The following ADPRHL1 variants were observed in gnomAD, a reference collection of about 807,000 sequenced individuals.
The protein encoded by ADPRHL1 is inactive ADP-ribosyltransferase ARH2.
A neutral mutation model predicts 44.1 loss-of-function variants in ADPRHL1; 43 were observed. The ratio of observed to expected loss-of-function variants is 0.98; its 90% CI spans 0.76 to 1.26. The LOEUF (loss-of-function observed/expected upper bound fraction) is 1.26, where lower values mean the gene tolerates loss of function less well. ADPRHL1 is among the 50% of genes most tolerant of loss of function. ADPRHL1 has a pLI of 0.00. For synonymous variants in ADPRHL1, 878 were observed against 1,017.4 expected, an observed-to-expected ratio of 0.86 and a Z score of 2.61; for missense variants, 2,022 against 2,496.9, an observed-to-expected ratio of 0.81 and a Z score of 4.05.
At chr13:113,418,584 A>T (rs1338102449) in intron 7 of ADPRHL1, among the ~76,000 whole-genome samples, 3 of 152,226 alleles carry the variant, frequency 2.0e-5, no homozygotes, top group Non-Finnish European at 4.4e-5. Flanking sequence ...TGTGTTACTG[A>T]CATGCTCATA....
At chr13:113,436,257 A>G (rs1453393478) in intron 2 of ADPRHL1, among the ~76,000 whole-genome samples, 41 of 150,690 alleles carry the variant, frequency 2.7e-4, no homozygotes, top group African/African-American at 9.3e-4. Context: ...GAGTGAACAT[A>G]GGTGTACCCC....
chr13:113,422,554 G>A, intron 7 of ADPRHL1: 1 of 478,674 alleles, frequency 2.1e-6, no homozygotes, highest in Non-Finnish European at 3.8e-6. Context: ...GAGACTGCGG[G>A]TGAGTGCCAC....
Position 113,444,087 on chromosome 13 carries a change from G to A in ADPRHL1, c.379+338C>T, listed in dbSNP as rs538363327. Among the ~76,000 whole-genome samples the A allele has an allele frequency of 3.2e-4, 48 of 152,246 alleles. 1 individual carries two copies. In the South Asian group the frequency reaches 7.7e-3, roughly 24 times the overall value. Reference sequence around the variant, plus strand: ...GCCTGTGTTCCTTGAACAGACGCTCGTGCTGGCTGGGCTGACCAGGAGGGG... The same window carrying A: ...GCCTGTGTTCCTTGAACAGACGCTCATGCTGGCTGGGCTGACCAGGAGGGG... On this transcript the variant is annotated intron_variant, in intron 2 of 7. Coordinates refer to ENST00000612156, the MANE Select transcript of ADPRHL1 (RefSeq NM_001394807.1).
At chr13:113,427,252 A>G (rs550638078) in intron 4 of ADPRHL1, among the ~76,000 whole-genome samples, 1 of 152,242 alleles carries the variant, frequency 6.6e-6, no homozygotes, top group Non-Finnish European at 1.5e-5. Context: ...AAGTTCTGGG[A>G]GAACATTCGT....
Position 113,404,187 on chromosome 13 carries a change from G to A in ADPRHL1, c.5095C>T (p.Arg1699Trp), listed in dbSNP as rs2043788099. 1.2e-6 allele frequency: 1 copy of A among 853,102 alleles called. No individual in the cohort carries two copies. The highest frequency in any genetic ancestry group is 5.7e-5 in the Admixed American group (1 of 17,480). The allele number at this position is 853,102 out of a possible 1,614,324, so 52.8% of individuals were successfully genotyped here. A position where few individuals can be genotyped will look rare whatever the true frequency, so the allele number is the denominator to read the frequency against. The change falls in exon 8 of 8, where the codon CGG becomes TGG. Residue 1699 changes from arginine (R) to tryptophan (W), a missense_variant. Arg to Trp is a moderately radical substitution (Grantham distance 101). Coordinates refer to ENST00000612156, the MANE Select transcript of ADPRHL1 (RefSeq NM_001394807.1). ...REQAQKGAQERAREQAQKGAQ... is the reference protein window; with the variant it reads ...REQAQKGAQEWAREQAQKGAQ... ...CCTTTCTGGGCCTGTTCCCGAGCCC[G>A]TTCCTGAGCCCCTTTCTGGGCCTGT...
Position 113,453,207 on chromosome 13 carries a change from C to T in ADPRHL1, c.214+17G>A, listed in dbSNP as rs201411931. The T allele has an allele frequency of 5.9e-5, 95 of 1,613,580 alleles. No individual in the cohort carries two copies. Among genetic ancestry groups the T allele is most frequent in the African/African-American group, 4.0e-4 (30 of 75,038 alleles). On this transcript the variant is annotated intron_variant, in intron 1 of 7. Transcript: ENST00000612156. This position sits in a 1 kb window ranked among gnomAD's most constrained non-coding sequence, Gnocchi z 5.4. ...TCCCTCCAGCCCGCACACCGGAGCG[C>T]GGTGGGCCCAGCCTACCTGTGGTGA...
intron 3 of ADPRHL1, among the ~76,000 whole-genome samples, chr13:113,429,458 G>T (rs551878280): frequency 6.6e-6 from 1 of 152,204 alleles, no homozygotes; most frequent in Non-Finnish European, 1.5e-5. Context: ...CACTCAGGAC[G>T]CATCCCCAGG....
chr13:113,418,683 T>G (rs898652412), intron 7 of ADPRHL1, among the ~76,000 whole-genome samples: 4 of 152,076 alleles, frequency 2.6e-5, no homozygotes, highest in African/African-American at 9.7e-5. Flanking sequence ...CGATTGGAAC[T>G]CTCCATCCCA....
chr13:113,431,510 G>A (rs968307378), intron 3 of ADPRHL1, among the ~76,000 whole-genome samples: 6 of 152,226 alleles, frequency 3.9e-5, no homozygotes, highest in East Asian at 1.9e-4. Flanking sequence ...CTGCCCCCGC[G>A]CAGGGTGGCT....
rs1042558121 is a variant in ADPRHL1, at chr13:113,405,456, C to T, written c.3826G>A (p.Val1276Met). ...GGGCCATAGCTGGGGGACTCTGCCA[C>T]GCTCCTTGCCTGTGGCCTAGGATGA... is the stretch of plus-strand genomic sequence containing the variant. ...SDHPRPQARS[V>M]AESPSYGPGL... Residue 1276 changes from valine to methionine, a missense_variant, in exon 8 of 8, where the codon GTG (valine) becomes ATG (methionine). This residue lies in a region of ADPRHL1 where 1,221 missense variants were observed against 1,517.8 expected (regional missense o/e 0.80). Transcript: ENST00000612156. 1.3e-4 allele frequency: 161 copies of T among 1,231,804 alleles called. 1 individual carries two copies. The highest frequency in any genetic ancestry group is 1.6e-4 in the Non-Finnish European group (154 of 988,104). 76.3% of individuals were successfully genotyped at this position (1,231,804 alleles called of 1,614,324 possible).
chr13:113,436,913 C>G (rs1309686736), intron 2 of ADPRHL1, among the ~76,000 whole-genome samples: 3 of 131,882 alleles, frequency 2.3e-5, no homozygotes, highest in East Asian at 2.3e-4. Context: ...CCAGCACCCA[C>G]ACGTAGAGTG....
rs2043808044 is a variant in ADPRHL1, at chr13:113,406,292, A to G, written c.2990T>C (p.Met997Thr). ...HPLPESNEISMQKKGSATNDP... is the reference protein window; with the variant it reads ...HPLPESNEISTQKKGSATNDP... ...ATTTGTTGCGGAGCCCTTCTTCTGC[A>G]TTGATATTTCATTAGATTCCGGCAA... Residue 997 changes from methionine (M) to threonine (T), a missense_variant, in exon 8 of 8, where the codon ATG becomes ACG. Met to Thr is a moderately conservative substitution (Grantham distance 81). This residue lies in a region of ADPRHL1 where 1,221 missense variants were observed against 1,517.8 expected (regional missense o/e 0.80). Coordinates refer to ENST00000612156, the MANE Select transcript of ADPRHL1 (RefSeq NM_001394807.1). The G allele has an allele frequency of 2.4e-6, 3 of 1,232,060 alleles. No individual in the cohort carries two copies. Among genetic ancestry groups the G allele is most frequent in the Non-Finnish European group, 2.0e-6 (2 of 987,970 alleles). The allele number at this position is 1,232,060 out of a possible 1,614,324, so 76.3% of individuals were successfully genotyped here.
At position 113,399,656 on chromosome 13, in the gene ADPRHL1, AATG is replaced by A. The variant is rs1477683278; in HGVS notation, c.*3719_*3721del. On this transcript the variant is annotated 3_prime_UTR_variant, in exon 8 of 8. Transcript: ENST00000612156. ...TTCTTTTTGAAATTATTTCCAGCTG[AATG>A]ATGTTAGTAAAAATACAGAGAGAAT... 1 of 152,090 alleles carries A rather than the reference AATG, an allele frequency of 6.6e-6. No individual in the cohort carries two copies. Among genetic ancestry groups the A allele is most frequent in the African/African-American group, 2.4e-5 (1 of 41,428 alleles). The allele number at this position is 152,090 out of a possible 1,614,324, so 9.4% of individuals were successfully genotyped here. A position where few individuals can be genotyped will look rare whatever the true frequency, so the allele number is the denominator to read the frequency against.
At position 113,404,711 on chromosome 13, in the gene ADPRHL1, GC is replaced by G; in HGVS notation, c.4570del (p.Ala1524LeufsTer39). 1 of 1,281,236 alleles carries G rather than the reference GC, an allele frequency of 7.8e-7. No homozygotes were observed. The highest frequency in any genetic ancestry group is 9.8e-7 in the Non-Finnish European group (1 of 1,020,270). The allele number at this position is 1,281,236 out of a possible 1,614,324, so 79.4% of individuals were successfully genotyped here. A position where few individuals can be genotyped will look rare whatever the true frequency, so the allele number is the denominator to read the frequency against. On this transcript the variant is annotated frameshift_variant, in exon 8 of 8. Transcript: ENST00000612156. LOFTEE classifies it low-confidence loss of function (END_TRUNC). The stretch of plus-strand genomic sequence containing the variant: ...ACTGTGTCCCTGGGTCCCACCCTGA[GC>G]CTGTTCCTGTGCCTGCCCCTGGGCC... Reference protein sequence around the residue: ...IEAQGQAQEQAQGGTQGHSQG... With the variant: ...IEAQGQAQEQXQGGTQGHSQG...
At chr13:113,418,341 G>T (rs2043897395) in intron 7 of ADPRHL1, among the ~76,000 whole-genome samples, 1 of 152,200 alleles carries the variant, frequency 6.6e-6, no homozygotes, top group East Asian at 1.9e-4. Flanking sequence ...TCTGACGGGG[G>T]CTGGGCTTCG....
chr13:113,410,930 T>C (rs1412363873), intron 7 of ADPRHL1, among the ~76,000 whole-genome samples: 1 of 152,192 alleles, frequency 6.6e-6, no homozygotes, highest in African/African-American at 2.4e-5. Context: ...TGCGCTCCCT[T>C]CACCCCAGGA....
In ADPRHL1 at chr13:113,422,808, T is replaced by C. The variant is rs984678090; in HGVS notation, c.1061+18A>G. 1.1e-5 allele frequency: 17 copies of C among 1,612,472 alleles called. No individual in the cohort carries two copies. Among genetic ancestry groups the C allele is most frequent in the Non-Finnish European group, 1.4e-5 (16 of 1,179,880 alleles). On this transcript the variant is annotated intron_variant, in intron 7 of 7. Coordinates refer to ENST00000612156, the MANE Select transcript of ADPRHL1 (RefSeq NM_001394807.1). Reference sequence around the variant, plus strand: ...TGGAATCGGCTCTCTAGGGGGAAAGTGGCAGAAATGGCTTTACTTCTCCTC... The same window carrying C: ...TGGAATCGGCTCTCTAGGGGGAAAGCGGCAGAAATGGCTTTACTTCTCCTC...
In ADPRHL1 at chr13:113,402,697, G is replaced by A. The variant is rs376396874; in HGVS notation, c.*681C>T. 13 of 152,412 alleles carry A rather than the reference G, an allele frequency of 8.5e-5. No homozygotes were observed. Among genetic ancestry groups the A allele is most frequent in the African/African-American group, 2.9e-4 (12 of 41,564 alleles). 9.4% of individuals were successfully genotyped at this position (152,412 alleles called of 1,614,324 possible). A position where few individuals can be genotyped will look rare whatever the true frequency, so the allele number is the denominator to read the frequency against. On this transcript the variant is annotated 3_prime_UTR_variant, in exon 8 of 8. Transcript: ENST00000612156. ...CACTGTCCCTTTCTCAGAACTTAAC[G>A]TGGGCATTTCCTGAGGCCTCTTCCT...
In ADPRHL1 at chr13:113,403,981, C is replaced by G. The variant is rs1456390000; in HGVS notation, c.5301G>C (p.Gly1767=). 7.6e-7 allele frequency: 1 copy of G among 1,321,290 alleles called. No homozygotes were observed. Among genetic ancestry groups the G allele is most frequent in the Non-Finnish European group, 9.6e-7 (1 of 1,046,242 alleles). 81.8% of individuals were successfully genotyped at this position (1,321,290 alleles called of 1,614,324 possible). ...HIEAQGQAQK[G]AQEWARDRAR... ...CCCGATCCCGAGCCCATTCCTGAGC[C>G]CCTTTCTGGGCCTGACCCTGAGCCT... The change falls in exon 8 of 8, where the codon GGG becomes GGC. Residue 1767 remains glycine, a synonymous_variant. Transcript: ENST00000612156.
Sources: gnomAD v4.1 joint callset for allele counts (sites outside exome capture counted in the v4.1 genomes callset) on GRCh38, gnomAD v4.1.1 for gene constraint, gnomAD v4.1.1 regional missense constraint, Gnocchi (gnomAD v3.1) non-coding constraint, MANE v1.5 for transcripts, NCBI Gene and HGNC (gene_info 2026-07-23, HGNC 2026-07-21) for gene names.